The following PLA2G4C variants were observed in gnomAD, a reference collection of about 807,000 sequenced individuals.
PLA2G4C encodes the protein phospholipase A2 group IVC, also known as cytosolic phospholipase A2 gamma.
A neutral mutation model predicts 73.8 loss-of-function variants in PLA2G4C; 64 were observed. That is an observed-to-expected ratio of 0.87 (90% CI 0.71 to 1.07). The LOEUF is 1.07. Among genes scored for constraint, PLA2G4C ranks in the 50% least tolerant of loss-of-function variants. PLA2G4C has a pLI of 0.00. For missense variants in PLA2G4C, 622 were observed against 665.4 expected (o/e 0.93, Z 0.72); for synonymous variants, 254 against 252.1 (o/e 1.01, Z -0.07).
At chr19:48,099,159 C>G (rs1316532708) in intron 5 of PLA2G4C, among the ~76,000 whole-genome samples, 1 of 151,696 alleles carries the variant, frequency 6.6e-6, no homozygotes, top group Non-Finnish European at 1.5e-5. Flanking sequence ...CCCCAGCTTA[C>G]TCAAAAGGCT....
intron 5 of PLA2G4C, 58 bp downstream of exon 5, chr19:48,099,613 C>T (rs2031788895): frequency 1.6e-5 from 20 of 1,274,642 alleles, no homozygotes; most frequent in Non-Finnish European, 2.1e-5. Flanking sequence ...GGTAACCCCA[C>T]ACCCTGAGAC....
intron 10 of PLA2G4C, among the ~76,000 whole-genome samples, chr19:48,084,733 T>G (rs998113983): frequency 4.6e-5 from 7 of 152,250 alleles, no homozygotes; most frequent in African/African-American, 1.7e-4. Context: ...TTAACTCATT[T>G]AATCCTCATA....
rs747162308 is a variant in PLA2G4C at position 48,053,082 on chromosome 19, C to T, written c.1495G>A (p.Val499Met). The T allele has an allele frequency of 3.1e-6, 5 of 1,613,138 alleles. No homozygotes were observed. The highest frequency in any genetic ancestry group is 2.2e-5 in the South Asian group (2 of 91,014). Reference protein sequence around the residue: ...FKLADTYTLDVVVLLLALAKK... With the variant: ...FKLADTYTLDMVVLLLALAKK... ...GCTAATGCCAAGAGTAGCACCACCACATCTAGAGTGTAGGTGTCAGCAAGC... is the reference window on the plus strand; with the variant it reads ...GCTAATGCCAAGAGTAGCACCACCATATCTAGAGTGTAGGTGTCAGCAAGC... Residue 499 changes from valine (V) to methionine (M), a missense_variant, in exon 16 of 17, where the codon GTG (valine) becomes ATG (methionine). Physicochemically the swap from Val to Met is conservative, Grantham distance 21. Transcript: ENST00000599921.
At chr19:48,091,281 AT>A (rs1292361503) in intron 7 of PLA2G4C, among the ~76,000 whole-genome samples, 1 of 151,966 alleles carries the variant, frequency 6.6e-6, no homozygotes, top group African/African-American at 2.4e-5. Flanking sequence ...TGCCTCCCAG[AT>A]TCAAGTGATT....
chr19:48,068,005 T>C, intron 12 of PLA2G4C, 119 bp from the exon 13 acceptor site: 5 of 769,160 alleles, frequency 6.5e-6, no homozygotes, highest in South Asian at 1.5e-5. Context: ...AGACAGGACT[T>C]TTAAAGAGGT....
chr19:48,098,411 A>G, intron 5 of PLA2G4C, 152 bp from the exon 6 acceptor site: 8 of 598,720 alleles, frequency 1.3e-5, no homozygotes, highest in South Asian at 2.8e-5. Context: ...CTACAGCCTC[A>G]ACCTCCTGGG....
In PLA2G4C at chr19:48,072,902, AGACTGGCTGT is replaced by A; in HGVS notation, c.1006+1855_1006+1864del. The stretch of plus-strand genomic sequence containing the variant: ...GTGAGAGGTTGGATGTCTGGGGGTG[AGACTGGCTGT>A]ACCTGGGTCATCTCAGGAAGGCAGT... On this transcript the variant is annotated intron_variant, in intron 12 of 16. Transcript: ENST00000599921. The surrounding 1 kb of genome is among the most constrained non-coding windows in gnomAD (Gnocchi z 4.4). 1 of 152,354 alleles carries A rather than the reference AGACTGGCTGT, an allele frequency of 6.6e-6. No homozygotes were observed. 9.4% of individuals were successfully genotyped at this position (152,354 alleles called of 1,614,324 possible).
intron 6 of PLA2G4C, among the ~76,000 whole-genome samples, chr19:48,097,322 A>G (rs377350725): frequency 4.9e-4 from 64 of 129,530 alleles, no homozygotes; most frequent in East Asian, 2.8e-3. Context: ...GCGCGATCTC[A>G]GCTCACTGCA....
chr19:48,071,716 T>C lies in PLA2G4C; in HGVS notation c.1006+3051A>G, dbSNP rs571859881. Reference sequence around the variant, plus strand: ...CTCCCGCCTCAGCCTCCTGAGTAGCTGGGACTACAGGCGTGAGCCATCACA... The same window carrying C: ...CTCCCGCCTCAGCCTCCTGAGTAGCCGGGACTACAGGCGTGAGCCATCACA... On this transcript the variant is annotated intron_variant, in intron 12 of 16. Transcript: ENST00000599921. Among the ~76,000 whole-genome samples the C allele has an allele frequency of 2.8e-4, 42 of 152,302 alleles. No individual in the cohort carries two copies. In the South Asian group the frequency reaches 8.5e-3, roughly 31 times the overall value.
In PLA2G4C at chr19:48,065,573, G is replaced by A. The variant is rs935317509; in HGVS notation, c.1102+2218C>T. 7.2e-4 allele frequency among the ~76,000 whole-genome samples: 109 copies of A among 151,956 alleles called. 1 individual carries two copies. The highest frequency in any genetic ancestry group is 2.6e-3 in the African/African-American group (108 of 41,422). On this transcript the variant is annotated intron_variant, in intron 13 of 16. Coordinates refer to ENST00000599921, the MANE Select transcript of PLA2G4C (RefSeq NM_003706.3). The stretch of plus-strand genomic sequence containing the variant: ...CCACTGTACTGCAGCCTGGGTGACA[G>A]AGCGAGACTCCATCGCAAAATAAAT...
intron 4 of PLA2G4C, among the ~76,000 whole-genome samples, chr19:48,101,672 A>ATTTTTT (rs1212838881): frequency 3.9e-5 from 5 of 127,310 alleles, no homozygotes; most frequent in East Asian, 2.5e-4. Context: ...TTCCTTTAAT[A>ATTTTTT]TCTTTTTTTT....
intron 1 of PLA2G4C, among the ~76,000 whole-genome samples, chr19:48,107,686 G>A (rs754144545): frequency 6.6e-6 from 1 of 152,106 alleles, no homozygotes; most frequent in African/African-American, 2.4e-5. Flanking sequence ...TGTCAGGCCC[G>A]CCCGCAGTTA....
At chr19:48,057,480 CTTCTTTTTTT>C (rs1361526720) in intron 14 of PLA2G4C, among the ~76,000 whole-genome samples, 2,624 of 27,884 alleles carry the variant, frequency 0.094, 63 homozygotes, top group African/African-American at 0.13. Context: ...TCTTCTTCTT[CTTCTTTTTTT>C]TTTTTTTTTT....
intron 5 of PLA2G4C, among the ~76,000 whole-genome samples, chr19:48,099,440 A>G (rs11564536): frequency 3.3e-5 from 5 of 152,132 alleles, no homozygotes; most frequent in Middle Eastern, 3.2e-3. Context: ...CTAGTAAATC[A>G]TATCACTTTA....
chr19:48,098,034 C>T (rs1568449882), intron 6 of PLA2G4C, 105 bp downstream of exon 6: 1 of 1,296,690 alleles, frequency 7.7e-7, no homozygotes, highest in South Asian at 1.4e-5. Flanking sequence ...TGAGCCCTTC[C>T]CTCTTCCTGG....
At chr19:48,069,795 T>C (rs1450483625) in intron 12 of PLA2G4C, among the ~76,000 whole-genome samples, 1 of 152,004 alleles carries the variant, frequency 6.6e-6, no homozygotes, top group Non-Finnish European at 1.5e-5. Flanking sequence ...GAGACAGTCT[T>C]GCTCTGTCAC....
intron 6 of PLA2G4C, among the ~76,000 whole-genome samples, chr19:48,096,271 C>A (rs571119420): frequency 1.3e-5 from 2 of 152,222 alleles, no homozygotes; most frequent in South Asian, 4.1e-4. Flanking sequence ...GCACAAGGAT[C>A]CACACCGAGG....
chr19:48,062,051 G>A lies in PLA2G4C; in HGVS notation c.1204C>T (p.Arg402Trp), dbSNP rs777098708. ...TPFPLVLPPT[R>W]EVHLILSFDF... ...AAGGAGAGGATGAGGTGAACCTCCC[G>A]CGTCGGGGGCAGCACGAGTGGGAAG... Residue 402 changes from arginine to tryptophan, a missense_variant, in exon 14 of 17, where the codon CGG becomes TGG. Coordinates refer to ENST00000599921, the MANE Select transcript of PLA2G4C (RefSeq NM_003706.3). The A allele has an allele frequency of 1.1e-5, 18 of 1,613,794 alleles. No homozygotes were observed. Among genetic ancestry groups the A allele is most frequent in the Admixed American group, 1.0e-4 (6 of 59,986 alleles).
chr19:48,097,244 CTTTTTTCTTT>C (rs2031629274), intron 6 of PLA2G4C: 1 of 66,636 alleles, frequency 1.5e-5, no homozygotes, highest in Non-Finnish European at 2.6e-5. Flanking sequence ...TTACTTTTTT[CTTTTTTCTTT>C]TTTTTTTTTT....
Sources: gnomAD v4.1 joint callset for allele counts (sites outside exome capture counted in the v4.1 genomes callset) on GRCh38, gnomAD v4.1.1 for gene constraint, Gnocchi (gnomAD v3.1) non-coding constraint, MANE v1.5 for transcripts, NCBI Gene and HGNC (gene_info 2026-07-23, HGNC 2026-07-21) for gene names.